The following TTBK2 variants were observed in gnomAD, a reference collection of about 807,000 sequenced individuals.
TTBK2 encodes tau tubulin kinase 2.
Under a neutral mutation model 110.8 loss-of-function variants are expected in TTBK2, and 28 were observed. The ratio of observed to expected loss-of-function variants is 0.25; its 90% CI spans 0.19 to 0.35. The LOEUF (loss-of-function observed/expected upper bound fraction) is 0.35. TTBK2 is among the 10% of genes least tolerant of loss of function. The pLI, the probability that TTBK2 is intolerant of heterozygous loss-of-function variation, is 1.00. For missense variants in TTBK2, 1,369 were observed against 1,500.3 expected, an observed-to-expected ratio of 0.91 and a Z score of 1.45; for synonymous variants, 532 against 527.3, an observed-to-expected ratio of 1.01 and a Z score of -0.12.
chr15:42,780,264 C>G (rs904077393), intron 11 of TTBK2, among the ~76,000 whole-genome samples: 3 of 143,164 alleles, frequency 2.1e-5, no homozygotes, highest in African/African-American at 7.8e-5. Flanking sequence ...AACTCCTGGG[C>G]TCTAGTGTTC....
intron 10 of TTBK2, 62 bp from the exon 11 acceptor site, chr15:42,783,697 C>G (rs555129741): frequency 5.4e-6 from 6 of 1,104,894 alleles, no homozygotes; most frequent in Non-Finnish European, 8.3e-6. Flanking sequence ...TATCTTACAT[C>G]ATTTTATTTC....
intron 7 of TTBK2, 23 bp downstream of exon 7, chr15:42,817,009 A>G (rs779926308): frequency 2.5e-6 from 4 of 1,578,030 alleles, no homozygotes; most frequent in Non-Finnish European, 2.6e-6. Flanking sequence ...TTATACAGAT[A>G]TGACTCTAGT....
At chr15:42,836,889 T>C (rs1893006005) in intron 4 of TTBK2, among the ~76,000 whole-genome samples, 1 of 152,186 alleles carries the variant, frequency 6.6e-6, no homozygotes, top group Admixed American at 6.5e-5. Flanking sequence ...CAAACCTCCT[T>C]GAGACTCAGC....
chr15:42,897,112 C>A (rs373756501), intron 1 of TTBK2, among the ~76,000 whole-genome samples: 1 of 151,882 alleles, frequency 6.6e-6, no homozygotes, highest in Non-Finnish European at 1.5e-5. Context: ...CTCTTGACCT[C>A]GTGATTCACC....
chr15:42,796,959 G>A (rs757596900), intron 9 of TTBK2, among the ~76,000 whole-genome samples: 2 of 152,206 alleles, frequency 1.3e-5, no homozygotes, highest in Non-Finnish European at 2.9e-5. Context: ...TTTTATTTGG[G>A]TCCTATTTTT....
chr15:42,798,747 C>G (rs1891051770), intron 9 of TTBK2, among the ~76,000 whole-genome samples: 1 of 152,144 alleles, frequency 6.6e-6, no homozygotes. Context: ...AGAGGAGTAA[C>G]TGGTGAAACA....
At chr15:42,875,837 C>T (rs186095524) in intron 2 of TTBK2, among the ~76,000 whole-genome samples, 19 of 146,990 alleles carry the variant, frequency 1.3e-4, no homozygotes, top group African/African-American at 4.8e-4. Context: ...ACCCGGGAGG[C>T]GCAGGCTGCA....
chr15:42,780,189 C>CTTTT (rs892670301), intron 11 of TTBK2, among the ~76,000 whole-genome samples: 1 of 100,790 alleles, frequency 9.9e-6, no homozygotes, highest in Non-Finnish European at 1.9e-5. Context: ...GCCCGGCTAA[C>CTTTT]TTTTTTTTTT....
At chr15:42,749,198 G>A (rs753807419) in intron 14 of TTBK2, among the ~76,000 whole-genome samples, 10 of 152,184 alleles carry the variant, frequency 6.6e-5, no homozygotes, top group Non-Finnish European at 8.8e-5. Context: ...TGAGGAAATG[G>A]AGGTTCTTAC....
chr15:42,840,963 G>A (rs938202064), intron 3 of TTBK2, among the ~76,000 whole-genome samples: 1 of 152,108 alleles, frequency 6.6e-6, no homozygotes, highest in African/African-American at 2.4e-5. Flanking sequence ...GAGGGGAGCA[G>A]GGGTACAGCA....
At chr15:42,777,010 G>T (rs774599867) in intron 12 of TTBK2, 21 bp downstream of exon 12, 9 of 1,610,324 alleles carry the variant, frequency 5.6e-6, no homozygotes, top group Middle Eastern at 3.3e-4. Context: ...GCTTTAAAAA[G>T]AAAAATACAC....
chr15:42,788,407 A>G (rs112027848), intron 10 of TTBK2, among the ~76,000 whole-genome samples: 69 of 152,204 alleles, frequency 4.5e-4, no homozygotes, highest in African/African-American at 1.6e-3. Flanking sequence ...CATATGATCT[A>G]CCTTACTACG....
chr15:42,794,493 C>T (rs1158647967), intron 10 of TTBK2, 151 bp downstream of exon 10: 3 of 1,041,866 alleles, frequency 2.9e-6, no homozygotes, highest in African/African-American at 1.6e-5. Flanking sequence ...ATTCCAAAGG[C>T]GTACATAAGA....
In TTBK2 at chr15:42,752,822, A is replaced by C; in HGVS notation, c.2424T>G (p.Asp808Glu). The C allele has an allele frequency of 1.2e-6, 2 of 1,614,066 alleles. No homozygotes were observed. The highest frequency in any genetic ancestry group is 1.7e-6 in the Non-Finnish European group (2 of 1,180,006). The change falls in exon 14 of 15, where the codon GAT becomes GAG. Residue 808 changes from aspartate (D) to glutamate (E), a missense_variant. Asp to Glu is a conservative substitution (Grantham distance 45). Transcript: ENST00000267890. ...HCIEISSLPGDLVIVEKDHSA... is the reference protein window; with the variant it reads ...HCIEISSLPGELVIVEKDHSA... ...AGTGATCCTTTTCCACAATTACCAA[A>C]TCTCCTGGGAGAGAGGAGATCTCAA...
intron 1 of TTBK2, among the ~76,000 whole-genome samples, chr15:42,900,587 T>C (rs939957371): frequency 2.0e-5 from 3 of 151,992 alleles, no homozygotes; most frequent in African/African-American, 7.3e-5. Flanking sequence ...CTGGGCATGG[T>C]GGTGCGTGCC....
intron 3 of TTBK2, among the ~76,000 whole-genome samples, chr15:42,869,409 G>GAA (rs1168189330): frequency 2.0e-5 from 2 of 99,096 alleles, no homozygotes; most frequent in Non-Finnish European, 4.3e-5. Context: ...TTATTAAAAA[G>GAA]AAAAAAAAAA....
intron 3 of TTBK2, among the ~76,000 whole-genome samples, chr15:42,861,996 T>C (rs754279513): frequency 1.3e-5 from 2 of 152,136 alleles, no homozygotes; most frequent in Non-Finnish European, 2.9e-5. Context: ...AGGACATGGA[T>C]ACATTCCTGG....
intron 13 of TTBK2, among the ~76,000 whole-genome samples, chr15:42,774,660 A>G (rs559107325): frequency 9.2e-4 from 140 of 152,302 alleles, no homozygotes; most frequent in Non-Finnish European, 1.6e-3. Context: ...TTAGAAAATT[A>G]CCGTTTAACA....
intron 4 of TTBK2, among the ~76,000 whole-genome samples, chr15:42,836,042 A>G (rs913231793): frequency 1.3e-5 from 2 of 152,196 alleles, no homozygotes; most frequent in African/African-American, 4.8e-5. Flanking sequence ...TCTGTAGTTG[A>G]TGTACTTATC....
Sources: allele counts gnomAD v4.1 joint callset (sites outside exome capture counted in the v4.1 genomes callset), GRCh38; gene constraint gnomAD v4.1.1; transcripts MANE v1.5; gene names NCBI Gene and HGNC (gene_info 2026-07-23, HGNC 2026-07-21).